Variants in YEATS4 observed in about 807,000 individuals in gnomAD.
YEATS4 encodes the protein YEATS domain-containing protein 4.
In YEATS4, 17 loss-of-function variants were observed where a neutral mutation model predicts 30.1. The ratio of observed to expected loss-of-function variants is 0.56; its 90% CI spans 0.39 to 0.85. YEATS4 has a LOEUF of 0.85. Ranked by LOEUF, YEATS4 falls within the 40% of genes least tolerant of loss-of-function variation. The probability of loss-of-function intolerance (pLI) is 0.00; values close to 1 mark genes in which losing one functional copy is unlikely to be tolerated. For synonymous variants in YEATS4, 85 were observed against 87.5 expected (o/e 0.97, Z 0.16); for missense variants, 142 against 268.3 (o/e 0.53, Z 3.29).
At chr12:69,363,855 T>C (rs1284606589) in intron 2 of YEATS4, among the ~76,000 whole-genome samples, 2 of 152,194 alleles carry the variant, frequency 1.3e-5, no homozygotes, top group Non-Finnish European at 2.9e-5. Context: ...ATCCATACAA[T>C]TGAATATTAT....
rs1868266592 is a variant in YEATS4 at position 69,387,584 on chromosome 12, G to C, written c.515-2563G>C. 2.0e-5 allele frequency among the ~76,000 whole-genome samples: 3 copies of C among 152,190 alleles called. No individual in the cohort carries two copies. The South Asian group carries it at 6.2e-4, about 32-fold the overall frequency. ...TGAATTTTATTTATCCATTCAATTA[G>C]GTCCTCTGTAGTCATTAAAAAGAAT... On this transcript the variant is annotated intron_variant, in intron 6 of 6. Coordinates refer to ENST00000247843, the MANE Select transcript of YEATS4 (RefSeq NM_006530.4).
chr12:69,365,011 A>G (rs1473506208), intron 2 of YEATS4, among the ~76,000 whole-genome samples: 1 of 152,216 alleles, frequency 6.6e-6, no homozygotes, highest in Non-Finnish European at 1.5e-5. Flanking sequence ...TTTAATGGAA[A>G]AAAATCAAAA....
downstream of YEATS4, among the ~76,000 whole-genome samples, chr12:69,393,864 AT>A (rs1347470869): frequency 6.6e-6 from 1 of 152,230 alleles, no homozygotes; most frequent in Non-Finnish European, 1.5e-5. Flanking sequence ...AGAGAAAATC[AT>A]TTTTTCTCCC....
the YEATS4 span, among the ~76,000 whole-genome samples, chr12:69,424,901 T>C: frequency 6.6e-6 from 1 of 152,096 alleles, no homozygotes; most frequent in African/African-American, 2.4e-5. Context: ...CCCAGGGTCT[T>C]AGTATATATT....
intron 6 of YEATS4, among the ~76,000 whole-genome samples, chr12:69,378,891 T>C (rs928910243): frequency 6.7e-6 from 1 of 150,308 alleles, no homozygotes; most frequent in Non-Finnish European, 1.5e-5. Context: ...TTCACATTAC[T>C]TATTAACATG....
rs774253984 is a variant in YEATS4, at chr12:69,359,827, G to A, written c.-146G>A. ...CCTGAGGAGTTGACGGTTACTCACCGCCGTGAGCCCAAGTAACTCGCCCTC... is the reference window on the plus strand; with the variant it reads ...CCTGAGGAGTTGACGGTTACTCACCACCGTGAGCCCAAGTAACTCGCCCTC... On this transcript the variant is annotated 5_prime_UTR_variant, in exon 1 of 7. Transcript: ENST00000247843. 2 of 921,072 alleles carry A rather than the reference G, an allele frequency of 2.2e-6. No individual in the cohort carries two copies. Among genetic ancestry groups the A allele is most frequent in the African/African-American group, 3.4e-5 (2 of 58,510 alleles). 57.1% of individuals were successfully genotyped at this position (921,072 alleles called of 1,614,324 possible).
intron 6 of YEATS4, among the ~76,000 whole-genome samples, chr12:69,372,344 A>G (rs1320495526): frequency 6.6e-6 from 1 of 152,140 alleles, no homozygotes; most frequent in African/African-American, 2.4e-5. Flanking sequence ...AAATAATCCA[A>G]ATATACTCTT....
intron 6 of YEATS4, among the ~76,000 whole-genome samples, chr12:69,386,539 A>G (rs140236331): frequency 5.3e-5 from 8 of 152,258 alleles, no homozygotes; most frequent in Non-Finnish European, 8.8e-5. Flanking sequence ...GTCGTTCCCT[A>G]TGATTACCTC....
chr12:69,405,712 A>G, the YEATS4 span, among the ~76,000 whole-genome samples: 1 of 152,248 alleles, frequency 6.6e-6, no homozygotes, highest in Non-Finnish European at 1.5e-5. Context: ...TGCCCTGGGC[A>G]GGATGGAGTG....
intron 2 of YEATS4, among the ~76,000 whole-genome samples, chr12:69,365,091 G>A (rs11177619): frequency 0.4 from 61,049 of 151,932 alleles, 12,562 homozygotes; most frequent in Non-Finnish European, 0.46. Context: ...AATTTGGGAC[G>A]TGTATTTCTA....
chr12:69,359,916 G>A lies in YEATS4; in HGVS notation c.-57G>A. 1 of 1,605,012 alleles carries A rather than the reference G, an allele frequency of 6.2e-7. No homozygotes were observed. Among genetic ancestry groups the A allele is most frequent in the Non-Finnish European group, 8.5e-7 (1 of 1,174,108 alleles). On this transcript the variant is annotated 5_prime_UTR_variant, in exon 1 of 7. Transcript: ENST00000247843. ...GAGCGCGGTCTCTGAGGGGAGCGGC[G>A]ACCCCGCCAGCCCCGGTCTCTTTCC...
chr12:69,406,482 T>C, the YEATS4 span, among the ~76,000 whole-genome samples: 1 of 152,204 alleles, frequency 6.6e-6, no homozygotes, highest in East Asian at 1.9e-4. Context: ...TGCATGCCAC[T>C]ATGCCTGGAT....
chr12:69,385,857 A>G (rs1434532184), intron 6 of YEATS4, among the ~76,000 whole-genome samples: 1 of 152,210 alleles, frequency 6.6e-6, no homozygotes, highest in African/African-American at 2.4e-5. Context: ...GGAAGATACT[A>G]TGATTAGCAC....
chr12:69,394,467 A>C (rs1868336703), downstream of YEATS4, among the ~76,000 whole-genome samples: 1 of 152,186 alleles, frequency 6.6e-6, no homozygotes, highest in African/African-American at 2.4e-5. Flanking sequence ...TCGTCTCACT[A>C]AATCTTAAGA....
At chr12:69,367,370 A>ATT (rs34098313) in intron 4 of YEATS4, among the ~76,000 whole-genome samples, 12 of 150,602 alleles carry the variant, frequency 8.0e-5, no homozygotes, top group Non-Finnish European at 1.0e-4. Flanking sequence ...TTTGGCAATA[A>ATT]TTTTTTTTTT....
chr12:69,392,763 T>G (rs315113), downstream of YEATS4, among the ~76,000 whole-genome samples: 70,367 of 152,058 alleles, frequency 0.46, 16,302 homozygotes, highest in Non-Finnish European at 0.5. Context: ...AACCAGCAGT[T>G]ACTCAGATGA....
At chr12:69,373,110 CA>C (rs1284905971) in intron 6 of YEATS4, among the ~76,000 whole-genome samples, 1 of 152,164 alleles carries the variant, frequency 6.6e-6, no homozygotes, top group African/African-American at 2.4e-5. Context: ...CATGGAAGTG[CA>C]GATATCTTTT....
At chr12:69,365,609 A>G (rs1028825429) in intron 2 of YEATS4, 24 bp from the exon 3 acceptor site, 2 of 1,549,442 alleles carry the variant, frequency 1.3e-6, no homozygotes, top group South Asian at 2.3e-5. Flanking sequence ...AGATCATAAA[A>G]CTAACTAATT....
downstream of YEATS4, chr12:69,390,871 T>A (rs1868309614): frequency 6.6e-6 from 1 of 152,246 alleles, no homozygotes; most frequent in South Asian, 2.1e-4. Context: ...AGTATCTTTA[T>A]AGTATTGTGA....
Sources: allele counts gnomAD v4.1 joint callset (sites outside exome capture counted in the v4.1 genomes callset), GRCh38; gene constraint gnomAD v4.1.1; transcripts MANE v1.5; gene names NCBI Gene and HGNC (gene_info 2026-07-23, HGNC 2026-07-21).